The following FAN1 variants were observed in gnomAD, a reference collection of about 807,000 sequenced individuals.
FAN1 encodes FANCD2 and FANCI associated nuclease 1.
In FAN1, 91 loss-of-function variants were observed where a neutral mutation model predicts 104.9. The ratio of observed to expected loss-of-function variants is 0.87; its 90% CI spans 0.73 to 1.03. FAN1 has a LOEUF of 1.03. FAN1 is among the 50% of genes least tolerant of loss of function. The probability of loss-of-function intolerance (pLI) is 0.00; values close to 1 mark genes in which losing one functional copy is unlikely to be tolerated. For missense variants in FAN1, 1,263 were observed against 1,239.9 expected (o/e 1.02, Z -0.28); for synonymous variants, 478 against 457.6 (o/e 1.04, Z -0.57).
intron 13 of FAN1, among the ~76,000 whole-genome samples, chr15:30,932,775 G>A (rs1000487265): frequency 4.0e-5 from 6 of 148,732 alleles, no homozygotes; most frequent in African/African-American, 1.2e-4. Context: ...GTGTAGTAGC[G>A]TGAGTTAGCT....
At chr15:30,916,636 C>T (rs1478739679) in intron 5 of FAN1, among the ~76,000 whole-genome samples, 1 of 152,104 alleles carries the variant, frequency 6.6e-6, no homozygotes, top group Non-Finnish European at 1.5e-5. Flanking sequence ...GGCCAGGAAA[C>T]CCTTGTTGTC....
chr15:30,907,275 T>C (rs573744705), intron 2 of FAN1, among the ~76,000 whole-genome samples: 1 of 152,026 alleles, frequency 6.6e-6, no homozygotes, highest in South Asian at 2.1e-4. Context: ...CCCAGCACTT[T>C]GGGAGGCCCA....
chr15:30,932,703 ATTTG>A (rs974109455), intron 13 of FAN1, among the ~76,000 whole-genome samples: 2 of 139,974 alleles, frequency 1.4e-5, no homozygotes, highest in Non-Finnish European at 1.5e-5. Context: ...AGTTGTTTAT[ATTTG>A]TTTCTTTTCT....
At chr15:30,910,592 C>CTT in intron 3 of FAN1, 22 bp from the exon 4 acceptor site, 23 of 1,361,012 alleles carry the variant, frequency 1.7e-5, no homozygotes, top group South Asian at 3.0e-5. Context: ...TTTAAAAAAA[C>CTT]TTTTTTTTTT....
chr15:30,939,737 A>C, intron 14 of FAN1: 1 of 983,788 alleles, frequency 1.0e-6, no homozygotes, highest in Non-Finnish European at 1.2e-6. Flanking sequence ...AAGCAGCTAA[A>C]TGAAAAAGGG....
rs764365598 is a variant in FAN1 at position 30,905,339 on chromosome 15, A to G, written c.676A>G (p.Ile226Val). The G allele has an allele frequency of 1.7e-5, 27 of 1,613,734 alleles. No individual in the cohort carries two copies. The highest frequency in any genetic ancestry group is 2.1e-5 in the Non-Finnish European group (25 of 1,179,808). Residue 226 changes from isoleucine (I) to valine (V), a missense_variant, in exon 2 of 15, where the codon ATT becomes GTT. By Grantham distance (29) the Ile-to-Val change is conservative. Coordinates refer to ENST00000362065, the MANE Select transcript of FAN1 (RefSeq NM_014967.5). ...FKCDSLKEEC[I>V]PEHMVRGSKI... ...ATGTGATTCTCTAAAGGAAGAGTGC[A>G]TTCCTGAACATATGGTAAGAGGAAG...
intron 5 of FAN1, among the ~76,000 whole-genome samples, 171 bp downstream of exon 5, chr15:30,914,262 G>T (rs900765435): frequency 6.6e-6 from 1 of 152,160 alleles, no homozygotes; most frequent in Non-Finnish European, 1.5e-5. Context: ...GGAAAATGTA[G>T]AAGTGTGCTG....
rs369521257 is a variant in FAN1 at position 30,919,373 on chromosome 15, C to T, written c.1943+1078C>T. 2.9e-3 allele frequency among the ~76,000 whole-genome samples: 292 copies of T among 100,632 alleles called. 2 individuals are homozygous for T. The highest frequency in any genetic ancestry group is 0.012 in the African/African-American group (281 of 24,332). 66.0% of individuals were successfully genotyped at this position (100,632 alleles called of 152,430 possible). Reference sequence around the variant, plus strand: ...CCAGCCTGGGCCACGAGCAAAACTCCGTCTCAAAAAAAAAAAAAAAAAAAA... The same window carrying T: ...CCAGCCTGGGCCACGAGCAAAACTCTGTCTCAAAAAAAAAAAAAAAAAAAA... On this transcript the variant is annotated intron_variant, in intron 6 of 14. Coordinates refer to ENST00000362065, the MANE Select transcript of FAN1 (RefSeq NM_014967.5).
At chr15:30,933,807 G>A (rs1044322700) in intron 13 of FAN1, among the ~76,000 whole-genome samples, 29 of 151,972 alleles carry the variant, frequency 1.9e-4, no homozygotes, top group African/African-American at 6.8e-4. Context: ...ACCTAGGCTG[G>A]AGTGTAGTGG....
chr15:30,922,275 TTTA>T lies in FAN1; in HGVS notation c.2096_2098del (p.Tyr699del). 6.2e-7 allele frequency: 1 copy of T among 1,613,606 alleles called. No individual in the cohort carries two copies. Among genetic ancestry groups the T allele is most frequent in the Non-Finnish European group, 8.5e-7 (1 of 1,179,904 alleles). On this transcript the variant is annotated inframe_deletion, in exon 8 of 15. Transcript: ENST00000362065. The stretch of plus-strand genomic sequence containing the variant: ...CTTGAAAGCCTTTTGTCTCAGAGAA[TTTA>T]TTGTCCTGACAGCAGAGGCCGATGG...
chr15:30,905,978 T>A (rs918924626), intron 2 of FAN1, 81 bp downstream of exon 2: 1 of 1,308,204 alleles, frequency 7.6e-7, no homozygotes, highest in African/African-American at 1.5e-5. Context: ...TGGGCAGTAA[T>A]CTAGTGACCG....
chr15:30,906,598 A>G (rs2061984754), intron 2 of FAN1: 2 of 444,518 alleles, frequency 4.5e-6, no homozygotes, highest in Non-Finnish European at 9.2e-6. Flanking sequence ...AGGAAAAAAC[A>G]TGGTAGTCAC....
rs776829777 is a variant in FAN1, at chr15:30,904,596, C to A, written c.-68C>A. On this transcript the variant is annotated 5_prime_UTR_variant, in exon 2 of 15. Coordinates refer to ENST00000362065, the MANE Select transcript of FAN1 (RefSeq NM_014967.5). ...TTCAAGTCAAGAAAGTAAAAGTAAA[C>A]CATTGCTATCTTTCACCTTAAATAT... The A allele has an allele frequency of 6.8e-7, 1 of 1,473,612 alleles. No homozygotes were observed. The highest frequency in any genetic ancestry group is 9.5e-7 in the Non-Finnish European group (1 of 1,058,060). The allele number at this position is 1,473,612 out of a possible 1,614,324, so 91.3% of individuals were successfully genotyped here. A position where few individuals can be genotyped will look rare whatever the true frequency, so the allele number is the denominator to read the frequency against.
intron 13 of FAN1, 98 bp from the exon 14 acceptor site, chr15:30,937,021 G>A (rs2062874318): frequency 1.1e-6 from 1 of 899,574 alleles, no homozygotes; most frequent in Non-Finnish European, 1.8e-6. Context: ...GAGAGCAGAA[G>A]AGCCATTTAA....
intron 3 of FAN1, 97 bp downstream of exon 3, chr15:30,908,355 G>A (rs1223161373): frequency 2.0e-6 from 2 of 1,012,238 alleles, no homozygotes; most frequent in Non-Finnish European, 2.8e-6. Context: ...CCTCCCCGGG[G>A]TGGTGCCTGG....
intron 2 of FAN1, 134 bp downstream of exon 2, chr15:30,906,031 C>G (rs529578806): frequency 8.8e-6 from 7 of 793,062 alleles, no homozygotes; most frequent in African/African-American, 6.9e-5. Flanking sequence ...TGGGAGTGTT[C>G]ATGGGAGTTG....
chr15:30,905,640 C>T lies in FAN1; in HGVS notation c.977C>T (p.Ser326Phe). The T allele has an allele frequency of 6.2e-7, 1 of 1,614,132 alleles. No homozygotes were observed. Among genetic ancestry groups the T allele is most frequent in the South Asian group, 1.1e-5 (1 of 91,084 alleles). Residue 326 changes from serine to phenylalanine, a missense_variant, in exon 2 of 15, where the codon TCT becomes TTT. Physicochemically the swap from Ser to Phe is radical, Grantham distance 155. This residue lies in a region of FAN1 where 682 missense variants were observed against 571.1 expected (regional missense o/e 1.19). Transcript: ENST00000362065. ...GATTCAGAGGCAAAATCTCATAGTT[C>T]TGCAGATGATGCTTCTGCATGGAGT... ...LSDSEAKSHSSADDASAWSNI... is the reference protein window; with the variant it reads ...LSDSEAKSHSFADDASAWSNI...
intron 7 of FAN1, 84 bp downstream of exon 7, chr15:30,920,737 T>G: frequency 1.3e-6 from 1 of 775,770 alleles, no homozygotes; most frequent in Non-Finnish European, 2.2e-6. Flanking sequence ...GCTCTCAGCA[T>G]TTCCTGCTTA....
chr15:30,929,655 A>AATATATGAAATATATAATATATAAT (rs2062576101), intron 12 of FAN1, among the ~76,000 whole-genome samples: 13 of 62,544 alleles, frequency 2.1e-4, no homozygotes, highest in African/African-American at 7.9e-4. Context: ...TATATAATAT[A>AATATATGAAATATATAATATATAAT]ATATATGAAA....
Sources: allele counts gnomAD v4.1 joint callset (sites outside exome capture counted in the v4.1 genomes callset), GRCh38; gene constraint gnomAD v4.1.1; regional missense constraint gnomAD v4.1.1; transcripts MANE v1.5; gene names NCBI Gene and HGNC (gene_info 2026-07-23, HGNC 2026-07-21).